The following OSBPL11 variants were observed in gnomAD, a reference collection of about 807,000 sequenced individuals.
OSBPL11 encodes oxysterol-binding protein-related protein 11.
A neutral mutation model predicts 84.4 loss-of-function variants in OSBPL11; 33 were observed. That is an observed-to-expected ratio of 0.39 (90% CI 0.30 to 0.52). The LOEUF is 0.52. Ranked by LOEUF, OSBPL11 falls within the 20% of genes least tolerant of loss-of-function variation. The pLI, the probability that OSBPL11 is intolerant of heterozygous loss-of-function variation, is 0.72. For missense variants in OSBPL11, 736 were observed against 901.1 expected, an observed-to-expected ratio of 0.82 and a Z score of 2.35; for synonymous variants, 276 against 310.2, an observed-to-expected ratio of 0.89 and a Z score of 1.16.
In OSBPL11 at chr3:125,579,044, T is replaced by C. The variant is rs768054156; in HGVS notation, c.410-5A>G. ...GTCGCTCTTTTGCATCTGTAGCTGTTAAAAGAATGTAAAAATTATTTTATA... is the reference window on the plus strand; with the variant it reads ...GTCGCTCTTTTGCATCTGTAGCTGTCAAAAGAATGTAAAAATTATTTTATA... On this transcript the variant is annotated splice_polypyrimidine_tract_variant and splice_region_variant and intron_variant, in intron 3 of 12. Coordinates refer to ENST00000296220, the MANE Select transcript of OSBPL11 (RefSeq NM_022776.5). The C allele has an allele frequency of 2.6e-6, 4 of 1,561,548 alleles. No individual in the cohort carries two copies. The South Asian group carries it at 4.7e-5, about 19-fold the overall frequency.
chr3:125,572,078 C>T (rs1234905095), intron 5 of OSBPL11, among the ~76,000 whole-genome samples: 2 of 152,258 alleles, frequency 1.3e-5, no homozygotes, highest in African/African-American at 4.8e-5. Flanking sequence ...CATGGGAACC[C>T]ACCTCTTCCA....
intron 7 of OSBPL11, among the ~76,000 whole-genome samples, chr3:125,562,639 G>A (rs1053349619): frequency 6.6e-6 from 1 of 152,010 alleles, no homozygotes; most frequent in African/African-American, 2.4e-5. Context: ...AAAAAAAATA[G>A]GAGAAGGCCG....
intron 10 of OSBPL11, among the ~76,000 whole-genome samples, chr3:125,546,120 C>CT (rs1245896859): frequency 7.6e-6 from 1 of 132,096 alleles, no homozygotes; most frequent in Non-Finnish European, 1.6e-5. Flanking sequence ...GATCCTGTCT[C>CT]TTAAAAAAAA....
At chr3:125,557,079 A>T (rs1216817282) in intron 8 of OSBPL11, among the ~76,000 whole-genome samples, 2 of 152,278 alleles carry the variant, frequency 1.3e-5, no homozygotes, top group Non-Finnish European at 2.9e-5. Flanking sequence ...GAAAGATAAA[A>T]GTGAGAGCTC....
chr3:125,558,083 C>A (rs562918633), intron 8 of OSBPL11, among the ~76,000 whole-genome samples: 1 of 152,192 alleles, frequency 6.6e-6, no homozygotes, highest in African/African-American at 2.4e-5. Flanking sequence ...CATGAGCCAC[C>A]ACACCCAGCC....
chr3:125,572,204 C>G (rs1936253093), intron 5 of OSBPL11, among the ~76,000 whole-genome samples: 1 of 152,198 alleles, frequency 6.6e-6, no homozygotes. Context: ...TGGCCTTTTT[C>G]TCCCATTTGG....
chr3:125,543,416 G>A (rs1292588945), intron 10 of OSBPL11, among the ~76,000 whole-genome samples: 5 of 151,904 alleles, frequency 3.3e-5, no homozygotes, highest in Non-Finnish European at 7.4e-5. Flanking sequence ...ACAGGCATGA[G>A]CCACCGCGCC....
chr3:125,552,276 G>A lies in OSBPL11; in HGVS notation c.1559C>T (p.Ala520Val), dbSNP rs1447212649. Residue 520 changes from alanine to valine, a missense_variant, in exon 9 of 13, where the codon GCA becomes GTA. Coordinates refer to ENST00000296220, the MANE Select transcript of OSBPL11 (RefSeq NM_022776.5). Reference sequence around the variant, plus strand: ...ACACATCTTCCTCTCTGTACATTCTGCATAAAATCCTGAGACTGGAGGATG... The same window carrying A: ...ACACATCTTCCTCTCTGTACATTCTACATAAAATCCTGAGACTGGAGGATG... ...SHHPPVSGFYAECTERKMCVN... is the reference protein window; with the variant it reads ...SHHPPVSGFYVECTERKMCVN... 1 of 1,613,942 alleles carries A rather than the reference G, an allele frequency of 6.2e-7. No homozygotes were observed. Among genetic ancestry groups the A allele is most frequent in the African/African-American group, 1.3e-5 (1 of 74,968 alleles).
rs1490586334 is a variant in OSBPL11 at position 125,576,383 on chromosome 3, T to C, written c.490-18A>G. 2.0e-6 allele frequency: 3 copies of C among 1,531,764 alleles called. No individual in the cohort carries two copies. The highest frequency in any genetic ancestry group is 2.6e-6 in the Non-Finnish European group (3 of 1,146,332). The allele number at this position is 1,531,764 out of a possible 1,614,324, so 94.9% of individuals were successfully genotyped here. ...GGATTATTCTGTTAGACAAAGAAAA[T>C]CATTCCTTTTGTTTTCTTCTTTAAT... On this transcript the variant is annotated intron_variant, in intron 4 of 12. Transcript: ENST00000296220.
Position 125,563,728 on chromosome 3 carries a change from C to T in OSBPL11, c.984G>A (p.Gln328=), listed in dbSNP as rs138828693. The T allele has an allele frequency of 1.5e-4, 240 of 1,614,172 alleles. No individual in the cohort carries two copies. In the African/African-American group the frequency reaches 2.7e-3, roughly 18 times the overall value. ...QSKPVAVPEE[Q]PVAESGLLAR... is the part of the protein sequence containing the mutation. ...CTAATAGTCCAGATTCTGCAACAGG[C>T]TGCTCTTCTGGGACTGCCACCGGCT... is the stretch of plus-strand genomic sequence containing the variant. Residue 328 remains glutamine (Q), a synonymous_variant, in exon 7 of 13, where the codon CAG becomes CAA. Coordinates refer to ENST00000296220, the MANE Select transcript of OSBPL11 (RefSeq NM_022776.5).
rs373051352 is a variant in OSBPL11, at chr3:125,575,331, C to CTA, written c.666+856_666+857dup. On this transcript the variant is annotated intron_variant, in intron 5 of 12. Transcript: ENST00000296220. ...AATGATTCTATATGTTTGAAATGTTCTATATATATATATCCATTTCTATAT... is the reference window on the plus strand; with the variant it reads ...AATGATTCTATATGTTTGAAATGTTCTATATATATATATATCCATTTCTATAT... Among the ~76,000 whole-genome samples the CTA allele has an allele frequency of 9.1e-3, 1,380 of 150,934 alleles. 14 individuals are homozygous for CTA. Among genetic ancestry groups the CTA allele is most frequent in the African/African-American group, 0.031 (1,266 of 41,212 alleles).
intron 7 of OSBPL11, among the ~76,000 whole-genome samples, chr3:125,561,581 C>T (rs750126045): frequency 1.3e-5 from 2 of 152,202 alleles, no homozygotes; most frequent in Non-Finnish European, 2.9e-5. Flanking sequence ...CTTCTATTCA[C>T]ATTTTATTCC....
At chr3:125,562,764 T>C (rs1441404420) in intron 7 of OSBPL11, among the ~76,000 whole-genome samples, 3 of 152,052 alleles carry the variant, frequency 2.0e-5, no homozygotes, top group Non-Finnish European at 4.4e-5. Context: ...CCTTCTCTAC[T>C]AAAAATACAA....
At chr3:125,535,590 C>T (rs73191151) in intron 11 of OSBPL11, among the ~76,000 whole-genome samples, 33,002 of 151,262 alleles carry the variant, frequency 0.22, 3,585 homozygotes, top group Middle Eastern at 0.27. Flanking sequence ...ACTACAGGTG[C>T]ACGCCACCAC....
At chr3:125,545,321 A>G (rs1935794688) in intron 10 of OSBPL11, among the ~76,000 whole-genome samples, 1 of 152,216 alleles carries the variant, frequency 6.6e-6, no homozygotes, top group African/African-American at 2.4e-5. Context: ...GTTGAGCATC[A>G]TGTTTCTTTA....
rs951967338 is a variant in OSBPL11 at position 125,594,808 on chromosome 3, C to A, written c.-8G>T. On this transcript the variant is annotated 5_prime_UTR_variant, in exon 1 of 13. Transcript: ENST00000296220. ...TGGTTCACCCCCCTGCATCTTAACG[C>A]CAAAGTCCACTTGCCCTTCTTGAGC... 8 of 1,612,648 alleles carry A rather than the reference C, an allele frequency of 5.0e-6. No homozygotes were observed. In the African/African-American group the frequency reaches 8.0e-5, roughly 16 times the overall value.
chr3:125,578,918 T>G, intron 4 of OSBPL11, 42 bp downstream of exon 4: 1 of 1,244,968 alleles, frequency 8.0e-7, no homozygotes. Flanking sequence ...AAATATTCCT[T>G]CCTCATTTTT....
In OSBPL11 at chr3:125,579,049, G is replaced by C; in HGVS notation, c.410-10C>G. 2 of 1,557,988 alleles carry C rather than the reference G, an allele frequency of 1.3e-6. No homozygotes were observed. The highest frequency in any genetic ancestry group is 1.7e-6 in the Non-Finnish European group (2 of 1,145,132). On this transcript the variant is annotated splice_polypyrimidine_tract_variant and intron_variant, in intron 3 of 12. Transcript: ENST00000296220. The stretch of plus-strand genomic sequence containing the variant: ...TCTTTTGCATCTGTAGCTGTTAAAA[G>C]AATGTAAAAATTATTTTATATTTAT...
chr3:125,582,081 TC>T (rs1936435974), intron 2 of OSBPL11, among the ~76,000 whole-genome samples: 1 of 152,164 alleles, frequency 6.6e-6, no homozygotes, highest in Admixed American at 6.5e-5. Context: ...ACGCCTGTGA[TC>T]CCTGCACTTT....
Sources: gnomAD v4.1 joint callset for allele counts (sites outside exome capture counted in the v4.1 genomes callset) on GRCh38, gnomAD v4.1.1 for gene constraint, MANE v1.5 for transcripts, NCBI Gene and HGNC (gene_info 2026-07-23, HGNC 2026-07-21) for gene names.